TNKS: variants seen among roughly 807,000 people sequenced by gnomAD.
The protein encoded by TNKS is poly [ADP-ribose] polymerase tankyrase-1.
Under a neutral mutation model 135.8 loss-of-function variants are expected in TNKS, and 72 were observed. That is an observed-to-expected ratio of 0.53 (90% CI 0.44 to 0.64). The LOEUF is 0.64. Ranked by LOEUF, TNKS falls within the 30% of genes least tolerant of loss-of-function variation. TNKS has a pLI of 0.00. For synonymous variants in TNKS, 849 were observed against 649.3 expected (o/e 1.31, Z -4.68); for missense variants, 1,769 against 1,674.0 (o/e 1.06, Z -0.99).
intron 1 of TNKS, among the ~76,000 whole-genome samples, chr8:9,565,526 A>C (rs1797490969): frequency 6.6e-6 from 1 of 152,200 alleles, no homozygotes; most frequent in South Asian, 2.1e-4. Flanking sequence ...GATTGACTCA[A>C]AAAACCTTAA....
rs1455496718 is a variant in TNKS, at chr8:9,660,338, A to G, written c.995-19613A>G. On this transcript the variant is annotated intron_variant, in intron 3 of 26. Coordinates refer to ENST00000310430, the MANE Select transcript of TNKS (RefSeq NM_003747.3). ...ATGAACATCGATGCAAAAATCCTCAATAAAATACTGGCAAACCGAATCCAG... is the reference window on the plus strand; with the variant it reads ...ATGAACATCGATGCAAAAATCCTCAGTAAAATACTGGCAAACCGAATCCAG... Among the ~76,000 whole-genome samples the G allele has an allele frequency of 5.3e-5, 8 of 152,258 alleles. No individual in the cohort carries two copies. In the East Asian group the frequency reaches 9.6e-4, roughly 18 times the overall value.
At chr8:9,590,271 C>T (rs1014800978) in intron 2 of TNKS, among the ~76,000 whole-genome samples, 1 of 152,094 alleles carries the variant, frequency 6.6e-6, no homozygotes, top group Non-Finnish European at 1.5e-5. Context: ...GCTACAATGG[C>T]CTTTTTGTCT....
intron 3 of TNKS, among the ~76,000 whole-genome samples, chr8:9,659,168 C>G (rs1801572175): frequency 6.6e-6 from 1 of 152,196 alleles, no homozygotes; most frequent in East Asian, 1.9e-4. Flanking sequence ...CAACATTAGA[C>G]AGATCAAGAA....
intron 1 of TNKS, among the ~76,000 whole-genome samples, chr8:9,575,688 C>T (rs1797920231): frequency 6.6e-6 from 1 of 151,970 alleles, no homozygotes; most frequent in Non-Finnish European, 1.5e-5. Flanking sequence ...CCTGCAGAAT[C>T]ATAAGAAAAA....
At chr8:9,648,364 C>T (rs781595274) in intron 3 of TNKS, among the ~76,000 whole-genome samples, 2 of 152,028 alleles carry the variant, frequency 1.3e-5, no homozygotes, top group African/African-American at 4.8e-5. Context: ...ATATTCTTTA[C>T]ATATGCTTAT....
rs1808443048 is a variant in TNKS at position 9,781,126 on chromosome 8, G to C, written c.*4390G>C. The stretch of plus-strand genomic sequence containing the variant: ...GACGAGTTTTATACATTGCCAGAGA[G>C]TTCTGCCTCCTCTGAAATAACATTC... On this transcript the variant is annotated 3_prime_UTR_variant, in exon 27 of 27. Coordinates refer to ENST00000310430, the MANE Select transcript of TNKS (RefSeq NM_003747.3). 1 of 152,198 alleles carries C rather than the reference G, an allele frequency of 6.6e-6. No individual in the cohort carries two copies. The highest frequency in any genetic ancestry group is 2.1e-4 in the South Asian group (1 of 4,836). 9.4% of individuals were successfully genotyped at this position (152,198 alleles called of 1,614,324 possible).
At chr8:9,735,205 A>G in intron 16 of TNKS, 121 bp downstream of exon 16, 2 of 1,159,380 alleles carry the variant, frequency 1.7e-6, no homozygotes, top group Non-Finnish European at 2.4e-6. Context: ...CTCTTGATTG[A>G]CATAGTTTTG....
At chr8:9,558,614 T>C (rs952810668) in intron 1 of TNKS, 1 of 152,202 alleles carries the variant, frequency 6.6e-6, no homozygotes, top group African/African-American at 2.4e-5. Context: ...AAAATAGTGC[T>C]TGTTTCTCAA....
At chr8:9,604,899 G>C (rs184426827) in intron 2 of TNKS, among the ~76,000 whole-genome samples, 15 of 151,188 alleles carry the variant, frequency 9.9e-5, no homozygotes, top group Admixed American at 9.9e-4. Context: ...CTTCAGTCTT[G>C]GAAATACTGG....
At chr8:9,665,951 C>T (rs138054049) in intron 3 of TNKS, among the ~76,000 whole-genome samples, 1 of 152,074 alleles carries the variant, frequency 6.6e-6, no homozygotes, top group South Asian at 2.1e-4. Context: ...TACTACTCTT[C>T]TCTCTTCTTC....
intron 3 of TNKS, among the ~76,000 whole-genome samples, chr8:9,628,580 C>CGA (rs1361460414): frequency 1.3e-5 from 2 of 152,014 alleles, no homozygotes; most frequent in Non-Finnish European, 2.9e-5. Context: ...TTCTGCTCCA[C>CGA]ATCCAGCTAT....
chr8:9,626,944 C>T (rs192764033), intron 3 of TNKS, among the ~76,000 whole-genome samples: 1 of 152,164 alleles, frequency 6.6e-6, no homozygotes, highest in African/African-American at 2.4e-5. Flanking sequence ...TTTACTGATG[C>T]CTGGCAGTCT....
rs146176881 is a variant in TNKS at position 9,580,195 on chromosome 8, A to T, written c.710A>T (p.Gln237Leu). The T allele has an allele frequency of 1.9e-4, 309 of 1,614,102 alleles. No individual in the cohort carries two copies. The highest frequency in any genetic ancestry group is 2.4e-4 in the Non-Finnish European group (285 of 1,180,050). ...AAGGATGTTGTAGAACACTTACTAC[A>T]GATGGGTGCTAATGTCCACGCTCGT... ...GRKDVVEHLL[Q>L]MGANVHARDD... is the part of the protein sequence containing the mutation. Residue 237 changes from glutamine to leucine, a missense_variant, in exon 2 of 27, where the codon CAG becomes CTG. By Grantham distance (113) the Gln-to-Leu change is moderately radical (BLOSUM62 -2). Transcript: ENST00000310430.
At chr8:9,733,047 C>T (rs947712520) in intron 14 of TNKS, among the ~76,000 whole-genome samples, 13 of 152,116 alleles carry the variant, frequency 8.5e-5, no homozygotes, top group Admixed American at 6.5e-5. Flanking sequence ...AGTATATATC[C>T]ATCCCCAAGA....
chr8:9,586,903 A>G (rs903586518), intron 2 of TNKS, among the ~76,000 whole-genome samples: 7 of 152,132 alleles, frequency 4.6e-5, no homozygotes, highest in Admixed American at 1.3e-4. Context: ...GCGAAGAACA[A>G]TGAAACAGGA....
At position 9,744,435 on chromosome 8, in the gene TNKS, C is replaced by T. The variant is rs964056888; in HGVS notation, c.2644-3589C>T. Among the ~76,000 whole-genome samples the T allele has an allele frequency of 2.6e-5, 4 of 152,182 alleles. No homozygotes were observed. The South Asian group carries it at 6.2e-4, about 24-fold the overall frequency. ...ACATAATTGTAATAAAGCCTCTGTA[C>T]AATTAAATGGCTTTAACTGAAGCCA... On this transcript the variant is annotated intron_variant, in intron 17 of 26. Transcript: ENST00000310430.
intron 2 of TNKS, among the ~76,000 whole-genome samples, chr8:9,606,918 A>G (rs1563112368): frequency 1.3e-5 from 2 of 151,994 alleles, no homozygotes; most frequent in African/African-American, 4.8e-5. Context: ...GGAAAGCCCA[A>G]GGTGTTTCCC....
At chr8:9,660,369 C>T (rs1299436265) in intron 3 of TNKS, among the ~76,000 whole-genome samples, 1 of 152,188 alleles carries the variant, frequency 6.6e-6, no homozygotes, top group Middle Eastern at 3.2e-3. Context: ...TCCAGCAACA[C>T]ATCAAAAAGC....
chr8:9,689,571 A>G (rs372085335), intron 5 of TNKS, among the ~76,000 whole-genome samples: 1 of 152,228 alleles, frequency 6.6e-6, no homozygotes, highest in Non-Finnish European at 1.5e-5. Flanking sequence ...CCATAAAATA[A>G]TCTACTTTCA....
Sources: gnomAD v4.1 joint callset for allele counts (sites outside exome capture counted in the v4.1 genomes callset) on GRCh38, gnomAD v4.1.1 for gene constraint, MANE v1.5 for transcripts, NCBI Gene and HGNC (gene_info 2026-07-23, HGNC 2026-07-21) for gene names.